Variants in TAP1 observed in about 807,000 individuals in gnomAD.
TAP1 encodes transporter 1, ATP binding cassette subfamily B member.
A neutral mutation model predicts 79.3 loss-of-function variants in TAP1; 56 were observed. The observed-to-expected ratio is 0.71, with a 90% CI of 0.57 to 0.88. The LOEUF (loss-of-function observed/expected upper bound fraction) is 0.88, where lower values mean the gene tolerates loss of function less well. Among genes scored for constraint, TAP1 ranks in the 40% least tolerant of loss-of-function variants. TAP1 has a pLI of 0.00. For missense variants in TAP1, 737 were observed against 936.3 expected (o/e 0.79, Z 2.78); for synonymous variants, 355 against 401.4 (o/e 0.88, Z 1.38).
At position 32,852,506 on chromosome 6, in the gene TAP1, G is replaced by A; in HGVS notation, c.599-4C>T. On this transcript the variant is annotated splice_region_variant and splice_polypyrimidine_tract_variant and intron_variant, in intron 1 of 10. Coordinates refer to ENST00000354258, the MANE Select transcript of TAP1 (RefSeq NM_000593.6). This position sits in a 1 kb window ranked among gnomAD's most constrained non-coding sequence, Gnocchi z 4.8. ...AAGAATGGAATGGCCATCTCCCCTGGAGAAAGAGAAGAGAGGTCACGCACA... is the reference window on the plus strand; with the variant it reads ...AAGAATGGAATGGCCATCTCCCCTGAAGAAAGAGAAGAGAGGTCACGCACA... 6.2e-7 allele frequency: 1 copy of A among 1,613,042 alleles called. No homozygotes were observed.
intron 5 of TAP1, chr6:32,849,914 G>A: frequency 6.8e-6 from 2 of 292,292 alleles, no homozygotes; most frequent in Admixed American, 4.7e-5. Flanking sequence ...TCTTTCCAGT[G>A]CATCACAGAT....
chr6:32,852,646 A>G lies in TAP1; in HGVS notation c.599-144T>C. ...AGGAAACACTGACGTCTCAATCCCG[A>G]ACCTAAATAGGCTGCCCTGGAACTC... On this transcript the variant is annotated intron_variant, in intron 1 of 10. Transcript: ENST00000354258. This position sits in a 1 kb window ranked among gnomAD's most constrained non-coding sequence, Gnocchi z 4.8. 1 of 1,535,170 alleles carries G rather than the reference A, an allele frequency of 6.5e-7. No individual in the cohort carries two copies. The highest frequency in any genetic ancestry group is 2.5e-5 in the East Asian group (1 of 40,786).
Position 32,850,555 on chromosome 6 carries a change from C to A in TAP1, c.1051-38G>T, listed in dbSNP as rs1770720795. 6.3e-7 allele frequency: 1 copy of A among 1,588,248 alleles called. No homozygotes were observed. Among genetic ancestry groups the A allele is most frequent in the African/African-American group, 1.3e-5 (1 of 74,502 alleles). On this transcript the variant is annotated intron_variant, in intron 4 of 10. Transcript: ENST00000354258. The surrounding 1 kb of genome is among the most constrained non-coding windows in gnomAD (Gnocchi z 5.5). ...GGACAAGAGATGTCACACGGGTTGG[C>A]AAACCATCAGGGACACTAATACCTG... is the stretch of plus-strand genomic sequence containing the variant.
rs1770281044 is a variant in TAP1 at position 32,845,230 on chromosome 6, TA to T, written c.*348del. 2.5e-6 allele frequency: 1 copy of T among 399,182 alleles called. No individual in the cohort carries two copies. The highest frequency in any genetic ancestry group is 4.7e-6 in the Non-Finnish European group (1 of 214,712). The allele number at this position is 399,182 out of a possible 1,614,324, so 24.7% of individuals were successfully genotyped here. On this transcript the variant is annotated 3_prime_UTR_variant, in exon 11 of 11. Coordinates refer to ENST00000354258, the MANE Select transcript of TAP1 (RefSeq NM_000593.6). This position sits in a 1 kb window ranked among gnomAD's most constrained non-coding sequence, Gnocchi z 4.5. ...ACAGTACAAAACACCAATTTTATTA[TA>T]AATATCAAGAACCTACAGGGTGTTT... is the stretch of plus-strand genomic sequence containing the variant.
In TAP1 at chr6:32,849,165, G is replaced by A. The variant is rs372077422; in HGVS notation, c.1249-47C>T. 3.9e-6 allele frequency: 6 copies of A among 1,556,236 alleles called. No homozygotes were observed. In the African/African-American group the frequency reaches 8.2e-5, roughly 21 times the overall value. ...AGGGACTGAGGTAGAGAAATCTGGAGGGGACACAAAGAACCGCAGTCATTA... is the reference window on the plus strand; with the variant it reads ...AGGGACTGAGGTAGAGAAATCTGGAAGGGACACAAAGAACCGCAGTCATTA... On this transcript the variant is annotated intron_variant, in intron 5 of 10. Transcript: ENST00000354258.
chr6:32,847,039 T>C lies in TAP1; in HGVS notation c.2040+29A>G, dbSNP rs1016937632. 30 of 1,610,736 alleles carry C rather than the reference T, an allele frequency of 1.9e-5. No homozygotes were observed. In the East Asian group the frequency reaches 6.5e-4, roughly 35 times the overall value. ...ATAAAAGAAGCAAGATTGGGTGGGATATAGCCATTAAGAAGATGACTGCCT... is the reference window on the plus strand; with the variant it reads ...ATAAAAGAAGCAAGATTGGGTGGGACATAGCCATTAAGAAGATGACTGCCT... On this transcript the variant is annotated intron_variant, in intron 10 of 10. Coordinates refer to ENST00000354258, the MANE Select transcript of TAP1 (RefSeq NM_000593.6). The surrounding 1 kb of genome is among the most constrained non-coding windows in gnomAD (Gnocchi z 4.7).
chr6:32,848,873 A>C (rs1770608242), intron 6 of TAP1, 33 bp from the exon 7 acceptor site: 9 of 1,613,182 alleles, frequency 5.6e-6, no homozygotes, highest in Non-Finnish European at 7.6e-6. Flanking sequence ...AAAGTGAGGT[A>C]GTCTGCTTGC....
Position 32,852,013 on chromosome 6 carries a change from G to C in TAP1, c.844+96C>G, listed in dbSNP as rs1482234282. The C allele has an allele frequency of 4.0e-6, 6 of 1,509,946 alleles. No homozygotes were observed. The highest frequency in any genetic ancestry group is 9.2e-7 in the Non-Finnish European group (1 of 1,092,036). The allele number at this position is 1,509,946 out of a possible 1,614,324, so 93.5% of individuals were successfully genotyped here. ...GAGAAGGAACAATGTGTGTATGTGT[G>C]TGTGAGAGAGAGAGAGCGGGGAGGG... On this transcript the variant is annotated intron_variant, in intron 3 of 10. Coordinates refer to ENST00000354258, the MANE Select transcript of TAP1 (RefSeq NM_000593.6). This position sits in a 1 kb window ranked among gnomAD's most constrained non-coding sequence, Gnocchi z 4.8.
rs1210160082 is a variant in TAP1 at position 32,850,497 on chromosome 6, C to A, written c.1071G>T (p.Arg357=). 1 of 1,613,290 alleles carries A rather than the reference C, an allele frequency of 6.2e-7. No homozygotes were observed. The highest frequency in any genetic ancestry group is 8.5e-7 in the Non-Finnish European group (1 of 1,180,036). The part of the protein sequence containing the change: ...KWYQLLEVQV[R]ESLAKSSQVA... ...CCTGGCTGGACTTTGCCAGAGATTC[C>A]CGCACCTGCACTTCCAGCAACTGTG... The change falls in exon 5 of 11, where the codon CGG becomes CGT. Residue 357 remains arginine, a synonymous_variant. Coordinates refer to ENST00000354258, the MANE Select transcript of TAP1 (RefSeq NM_000593.6). This position sits in a 1 kb window ranked among gnomAD's most constrained non-coding sequence, Gnocchi z 5.5.
At position 32,845,892 on chromosome 6, in the gene TAP1, C is replaced by G; in HGVS notation, c.2041-107G>C. 1 of 907,246 alleles carries G rather than the reference C, an allele frequency of 1.1e-6. No homozygotes were observed. The highest frequency in any genetic ancestry group is 1.4e-5 in the South Asian group (1 of 72,114). The allele number at this position is 907,246 out of a possible 1,614,324, so 56.2% of individuals were successfully genotyped here. On this transcript the variant is annotated intron_variant, in intron 10 of 10. Transcript: ENST00000354258. The surrounding 1 kb of genome is among the most constrained non-coding windows in gnomAD (Gnocchi z 4.5). Reference sequence around the variant, plus strand: ...CCTCACAGGATCACTGCTGGCTCTGCTAACAACCCCAAGGACACCAACGTT... The same window carrying G: ...CCTCACAGGATCACTGCTGGCTCTGGTAACAACCCCAAGGACACCAACGTT...
In TAP1 at chr6:32,852,227, C is replaced by T. The variant is rs1562373417; in HGVS notation, c.726G>A (p.Glu242=). The change falls in exon 3 of 11, where the codon GAG becomes GAA. Residue 242 remains glutamate (E), a synonymous_variant. Coordinates refer to ENST00000354258, the MANE Select transcript of TAP1 (RefSeq NM_000593.6). The surrounding 1 kb of genome is among the most constrained non-coding windows in gnomAD (Gnocchi z 4.8). Reference sequence around the variant, plus strand: ...TGTTATAGATCCCGTCACCCACGAACTCCAGCACTGCACTATAAAGAACCC... The same window carrying T: ...TGTTATAGATCCCGTCACCCACGAATTCCAGCACTGCACTATAAAGAACCC... ...SILTIASAVL[E]FVGDGIYNNT... 6.2e-7 allele frequency: 1 copy of T among 1,612,990 alleles called. No homozygotes were observed. Among genetic ancestry groups the T allele is most frequent in the East Asian group, 2.2e-5 (1 of 44,880 alleles).
Position 32,851,918 on chromosome 6 carries a change from T to TGC in TAP1, c.844+190_844+191insGC, listed in dbSNP as rs1381685300. Among the ~76,000 whole-genome samples the TGC allele has an allele frequency of 4.1e-5, 5 of 121,426 alleles. No individual in the cohort carries two copies. Among genetic ancestry groups the TGC allele is most frequent in the African/African-American group, 1.5e-4 (5 of 33,008 alleles). 79.7% of individuals were successfully genotyped at this position (121,426 alleles called of 152,430 possible). A position where few individuals can be genotyped will look rare whatever the true frequency, so the allele number is the denominator to read the frequency against. ...AATGAGAAAAACAATTGTGTGTGTGTGTGTGTGAGAGAGAGAGAGAGAGAG... is the reference window on the plus strand; with the variant it reads ...AATGAGAAAAACAATTGTGTGTGTGTGCGTGTGTGAGAGAGAGAGAGAGAGAG... On this transcript the variant is annotated intron_variant, in intron 3 of 10. Coordinates refer to ENST00000354258, the MANE Select transcript of TAP1 (RefSeq NM_000593.6). This position sits in a 1 kb window ranked among gnomAD's most constrained non-coding sequence, Gnocchi z 4.8.
chr6:32,845,642 C>A lies in TAP1; in HGVS notation c.2184G>T (p.Gln728His). ...GAIREGGTHQ[Q>H]LMEKKGCYWA... ...AGTAGCACCCCTTTTTCTCCATGAG[C>A]TGCTGGTGGGTTCCCCCCTCCCGGA... The change falls in exon 11 of 11, where the codon CAG becomes CAT. Residue 728 changes from glutamine to histidine, a missense_variant. By Grantham distance (24) the Gln-to-His change is conservative. This residue lies in a region of TAP1 where 266 missense variants were observed against 332.4 expected (regional missense o/e 0.80). Transcript: ENST00000354258. This position sits in a 1 kb window ranked among gnomAD's most constrained non-coding sequence, Gnocchi z 4.5. 3.1e-6 allele frequency: 5 copies of A among 1,613,076 alleles called. No individual in the cohort carries two copies. The highest frequency in any genetic ancestry group is 4.2e-6 in the Non-Finnish European group (5 of 1,180,030).
At position 32,847,707 on chromosome 6, in the gene TAP1, C is replaced by CA. The variant is rs768030983; in HGVS notation, c.1741-33dup. 34 of 1,611,890 alleles carry CA rather than the reference C, an allele frequency of 2.1e-5. No individual in the cohort carries two copies. The highest frequency in any genetic ancestry group is 2.9e-5 in the Non-Finnish European group (34 of 1,178,952). Reference sequence around the variant, plus strand: ...TGAAATATGATGAAGAGTCATAGAACAAGGCACATGGGAGTATGGTTATCT... The same window carrying CA: ...TGAAATATGATGAAGAGTCATAGAACAAAGGCACATGGGAGTATGGTTATCT... On this transcript the variant is annotated intron_variant, in intron 8 of 10. Transcript: ENST00000354258. The surrounding 1 kb of genome is among the most constrained non-coding windows in gnomAD (Gnocchi z 4.7).
At position 32,850,273 on chromosome 6, in the gene TAP1, C is replaced by T. The variant is rs368747089; in HGVS notation, c.1248+47G>A. On this transcript the variant is annotated intron_variant, in intron 5 of 10. Coordinates refer to ENST00000354258, the MANE Select transcript of TAP1 (RefSeq NM_000593.6). The surrounding 1 kb of genome is among the most constrained non-coding windows in gnomAD (Gnocchi z 5.5). Reference sequence around the variant, plus strand: ...GGTCATAGGAATGGGAATGGAGTCACGGCATCTTAAGGACAAGGGAATGGG... The same window carrying T: ...GGTCATAGGAATGGGAATGGAGTCATGGCATCTTAAGGACAAGGGAATGGG... 7.6e-5 allele frequency: 121 copies of T among 1,586,474 alleles called. No homozygotes were observed. Among genetic ancestry groups the T allele is most frequent in the East Asian group, 6.9e-4 (31 of 44,794 alleles).
rs1562370729 is a variant in TAP1 at position 32,850,950 on chromosome 6, C to T, written c.1044G>A (p.Trp348Ter). The change falls in exon 4 of 11, where the codon TGG becomes TGA. Residue 348 changes from tryptophan to a stop codon, truncating the protein, a stop_gained. Transcript: ENST00000354258. LOFTEE classifies it high-confidence loss of function. The surrounding 1 kb of genome is among the most constrained non-coding windows in gnomAD (Gnocchi z 5.5). ...LFLLPKKVGK[W>*]YQLLEVQVRE... ...GCCAACTCCATGAACATACCTGGTACCATTTTCCCACCTTCTTGGGCAGAA... is the reference window on the plus strand; with the variant it reads ...GCCAACTCCATGAACATACCTGGTATCATTTTCCCACCTTCTTGGGCAGAA... 1 of 1,612,584 alleles carries T rather than the reference C, an allele frequency of 6.2e-7. No homozygotes were observed. The highest frequency in any genetic ancestry group is 8.5e-7 in the Non-Finnish European group (1 of 1,179,978).
In TAP1 at chr6:32,847,256, A is replaced by G; in HGVS notation, c.1904-52T>C. 2 of 1,606,084 alleles carry G rather than the reference A, an allele frequency of 1.2e-6. No individual in the cohort carries two copies. The highest frequency in any genetic ancestry group is 1.7e-4 in the Middle Eastern group (1 of 5,966). On this transcript the variant is annotated intron_variant, in intron 9 of 10. Coordinates refer to ENST00000354258, the MANE Select transcript of TAP1 (RefSeq NM_000593.6). The surrounding 1 kb of genome is among the most constrained non-coding windows in gnomAD (Gnocchi z 4.7). ...ACGGTATAGCCACATGTGTGCACGCATGTACATGCACACAGACACACTCAT... is the reference window on the plus strand; with the variant it reads ...ACGGTATAGCCACATGTGTGCACGCGTGTACATGCACACAGACACACTCAT...
intron 7 of TAP1, 51 bp downstream of exon 7, chr6:32,848,601 T>G: frequency 6.3e-7 from 1 of 1,597,966 alleles, no homozygotes; most frequent in Non-Finnish European, 8.6e-7. Context: ...AAATTTAGGA[T>G]GGCAGAATTG....
rs770721925 is a variant in TAP1 at position 32,853,083 on chromosome 6, C to G, written c.554G>C (p.Arg185Pro). 15 of 1,612,436 alleles carry G rather than the reference C, an allele frequency of 9.3e-6. No homozygotes were observed. The highest frequency in any genetic ancestry group is 1.3e-5 in the Non-Finnish European group (15 of 1,179,986). Residue 185 changes from arginine (R) to proline (P), a missense_variant, in exon 1 of 11, where the codon CGC (arginine) becomes CCC (proline). This residue lies in a region of TAP1 where 406 missense variants were observed against 477.2 expected (regional missense o/e 0.85). Transcript: ENST00000354258. The surrounding 1 kb of genome is among the most constrained non-coding windows in gnomAD (Gnocchi z 8.3). The stretch of plus-strand genomic sequence containing the variant: ...CAGGACCAGGAACAGCGAGAGGCGG[C>G]GCGTCTCCGAGCCCAGGCAGCCTAG... ...RLLGCLGSET[R>P]RLSLFLVLVV... is the part of the protein sequence containing the mutation.
Sources: allele counts gnomAD v4.1 joint callset (sites outside exome capture counted in the v4.1 genomes callset), GRCh38; gene constraint gnomAD v4.1.1; regional missense constraint gnomAD v4.1.1; non-coding constraint Gnocchi (gnomAD v3.1); transcripts MANE v1.5; gene names NCBI Gene and HGNC (gene_info 2026-07-23, HGNC 2026-07-21).